The following RARB variants were observed in gnomAD, a reference collection of about 807,000 sequenced individuals.
RARB encodes the protein HBV-activated protein.
Under a neutral mutation model 51.9 loss-of-function variants are expected in RARB, and 17 were observed. The ratio of observed to expected loss-of-function variants is 0.33; its 90% CI spans 0.22 to 0.49. The LOEUF (loss-of-function observed/expected upper bound fraction) is 0.49. Ranked by LOEUF, RARB falls within the 20% of genes least tolerant of loss-of-function variation. RARB has a pLI of 0.99. For synonymous variants in RARB, 215 were observed against 195.4 expected (o/e 1.10, Z -0.84); for missense variants, 369 against 550.8 (o/e 0.67, Z 3.30).
intron 2 of RARB, among the ~76,000 whole-genome samples, chr3:25,465,002 A>T (rs1220195100): frequency 6.6e-6 from 1 of 152,174 alleles, no homozygotes; most frequent in African/African-American, 2.4e-5. Flanking sequence ...TATAAATAAC[A>T]CTTTAAATTA....
rs1051336653 is a variant in RARB, at chr3:24,954,429, G to A, written c.-380+95677G>A. ...TTAAGCAGCAGCTGAGTCCTACATG[G>A]GAAATTACAACAAAATCAGAAGTCA... On this transcript the variant is annotated intron_variant, in intron 2 of 11. Transcript: ENST00000383772. Among the ~76,000 whole-genome samples the A allele has an allele frequency of 4.6e-5, 7 of 152,190 alleles. No individual in the cohort carries two copies. The East Asian group carries it at 1.4e-3, about 29-fold the overall frequency.
At chr3:25,583,474 G>C (rs1457657094) in intron 5 of RARB, among the ~76,000 whole-genome samples, 1 of 152,238 alleles carries the variant, frequency 6.6e-6, no homozygotes, top group African/African-American at 2.4e-5. Context: ...GTTGTGTGTG[G>C]TCTCTCAACA....
intron 4 of RARB, among the ~76,000 whole-genome samples, chr3:25,170,197 T>G (rs777890901): frequency 1.3e-5 from 2 of 152,122 alleles, no homozygotes; most frequent in East Asian, 3.9e-4. Flanking sequence ...CCAAATCATT[T>G]ATGGATTCTC....
intron 2 of RARB, among the ~76,000 whole-genome samples, chr3:24,958,315 T>C (rs73034848): frequency 0.19 from 25,377 of 133,862 alleles, 3,158 homozygotes; most frequent in East Asian, 0.34. Flanking sequence ...CTCAGGGAAC[T>C]TTAGAACTAA....
At chr3:25,170,009 GAAAGA>G (rs1262548368) in intron 4 of RARB, among the ~76,000 whole-genome samples, 22 of 97,906 alleles carry the variant, frequency 2.2e-4, no homozygotes, top group South Asian at 4.4e-4. Flanking sequence ...AAAAAAAAAA[GAAAGA>G]AAAAAAAAAA....
At chr3:25,040,823 TG>T (rs569139140) in intron 2 of RARB, among the ~76,000 whole-genome samples, 140 of 152,278 alleles carry the variant, frequency 9.2e-4, no homozygotes, top group African/African-American at 3.3e-3. Flanking sequence ...CCTTAGCCAT[TG>T]TCTCACTAGA....
At chr3:24,935,690 G>C (rs1335460827) in intron 2 of RARB, among the ~76,000 whole-genome samples, 1 of 152,152 alleles carries the variant, frequency 6.6e-6, no homozygotes. Flanking sequence ...GAAATCGGTG[G>C]AGTGTTTTCA....
At chr3:25,585,482 G>C (rs1473398825) in intron 5 of RARB, among the ~76,000 whole-genome samples, 1 of 152,220 alleles carries the variant, frequency 6.6e-6, no homozygotes. Flanking sequence ...GACTGTGGTG[G>C]AGAATTCATT....
chr3:24,905,694 G>A (rs1021179874), intron 2 of RARB, among the ~76,000 whole-genome samples: 2 of 152,210 alleles, frequency 1.3e-5, no homozygotes, highest in African/African-American at 2.4e-5. Flanking sequence ...TCTTGAGTGA[G>A]ACAAAATAAT....
At chr3:25,327,629 G>C (rs1342370572) in intron 5 of RARB, among the ~76,000 whole-genome samples, 8 of 152,140 alleles carry the variant, frequency 5.3e-5, no homozygotes, top group African/African-American at 1.9e-4. Context: ...TTGAGGTTTG[G>C]CTTTGACCAG....
At chr3:25,063,731 G>C (rs976970522) in intron 3 of RARB, among the ~76,000 whole-genome samples, 3 of 146,740 alleles carry the variant, frequency 2.0e-5, no homozygotes, top group Non-Finnish European at 4.5e-5. Flanking sequence ...TTTTTAAAAA[G>C]ATGAGGAAAC....
At chr3:24,945,135 T>C (rs2125402391) in intron 2 of RARB, among the ~76,000 whole-genome samples, 1 of 152,368 alleles carries the variant, frequency 6.6e-6, no homozygotes, top group Middle Eastern at 3.4e-3. Flanking sequence ...TTTAGTTTTT[T>C]ATAGTCTTAT....
intron 2 of RARB, among the ~76,000 whole-genome samples, chr3:24,948,412 G>C (rs760168509): frequency 6.6e-6 from 1 of 152,224 alleles, no homozygotes; most frequent in Non-Finnish European, 1.5e-5. Flanking sequence ...ACCACACAGA[G>C]TGTGGATAAA....
intron 1 of RARB, among the ~76,000 whole-genome samples, chr3:25,452,412 G>A (rs2063326595): frequency 1.0e-5 from 1 of 98,610 alleles, no homozygotes; most frequent in African/African-American, 5.7e-5. Context: ...CCAGACAGGT[G>A]TAGCTACAAC....
chr3:25,409,452 G>A (rs6550974), intron 5 of RARB, among the ~76,000 whole-genome samples: 94,815 of 151,750 alleles, frequency 0.62, 29,915 homozygotes, highest in East Asian at 0.81. Context: ...CATAGACTCA[G>A]TTTATTCAAA....
intron 5 of RARB, among the ~76,000 whole-genome samples, chr3:25,264,006 G>T (rs1448749189): frequency 6.6e-6 from 1 of 152,092 alleles, no homozygotes; most frequent in Non-Finnish European, 1.5e-5. Context: ...TTGCACAATG[G>T]CAACAGAATT....
At chr3:25,231,894 CA>C (rs1702186049) in intron 5 of RARB, among the ~76,000 whole-genome samples, 1 of 151,980 alleles carries the variant, frequency 6.6e-6, no homozygotes, top group Admixed American at 6.6e-5. Context: ...TTTTACAGAG[CA>C]AAAGCTCCTA....
At chr3:25,267,062 C>G (rs1703143781) in intron 5 of RARB, among the ~76,000 whole-genome samples, 1 of 152,166 alleles carries the variant, frequency 6.6e-6, no homozygotes, top group Non-Finnish European at 1.5e-5. Flanking sequence ...TGACCCCTTC[C>G]CTGAAGCTCT....
intron 2 of RARB, among the ~76,000 whole-genome samples, chr3:24,978,981 CT>C (rs1333593781): frequency 6.6e-6 from 1 of 152,064 alleles, no homozygotes; most frequent in Non-Finnish European, 1.5e-5. Context: ...CAAAGAACAT[CT>C]TTATTTCTGC....
Sources: allele counts gnomAD v4.1 joint callset (sites outside exome capture counted in the v4.1 genomes callset), GRCh38; gene constraint gnomAD v4.1.1; transcripts MANE v1.5; gene names NCBI Gene and HGNC (gene_info 2026-07-23, HGNC 2026-07-21).